The following CLIC4 variants were observed in gnomAD, a reference collection of about 807,000 sequenced individuals.
CLIC4 encodes the protein chloride intracellular channel protein 4.
A neutral mutation model predicts 24.6 loss-of-function variants in CLIC4; 13 were observed. That is an observed-to-expected ratio of 0.53 (90% confidence interval 0.34 to 0.84). CLIC4 has a LOEUF of 0.84. Ranked by LOEUF, CLIC4 falls within the 40% of genes least tolerant of loss-of-function variation. CLIC4 has a pLI of 0.01. For synonymous variants in CLIC4, 104 were observed against 111.3 expected, an observed-to-expected ratio of 0.93 and a Z score of 0.41; for missense variants, 227 against 301.7, an observed-to-expected ratio of 0.75 and a Z score of 1.83.
At chr1:24,807,707 C>A (rs1639567266) in intron 2 of CLIC4, among the ~76,000 whole-genome samples, 1 of 152,060 alleles carries the variant, frequency 6.6e-6, no homozygotes, top group Non-Finnish European at 1.5e-5. Context: ...AACATACTGA[C>A]ATATTGATTA....
chr1:24,818,215 GAAGCAAAGCTCAATA>G (rs1163163769), intron 3 of CLIC4, among the ~76,000 whole-genome samples: 7 of 152,102 alleles, frequency 4.6e-5, no homozygotes, highest in African/African-American at 1.4e-4. Flanking sequence ...AAAGCACAAT[GAAGCAAAGCTCAATA>G]AAGCAAAGCA....
chr1:24,771,007 A>G (rs1639064383), intron 1 of CLIC4, among the ~76,000 whole-genome samples: 1 of 152,184 alleles, frequency 6.6e-6, no homozygotes, highest in South Asian at 2.1e-4. Flanking sequence ...AAGGACTTTG[A>G]AAAGTCCCCC....
intron 1 of CLIC4, among the ~76,000 whole-genome samples, chr1:24,769,175 G>A (rs996589867): frequency 7.9e-5 from 12 of 152,058 alleles, no homozygotes; most frequent in African/African-American, 2.4e-4. Flanking sequence ...GAATCATGAA[G>A]TGACTTTAAA....
At chr1:24,812,543 C>T (rs1237429045) in intron 2 of CLIC4, among the ~76,000 whole-genome samples, 1 of 152,012 alleles carries the variant, frequency 6.6e-6, no homozygotes, top group African/African-American at 2.4e-5. Flanking sequence ...TTTTTTCCCT[C>T]CTCATTCTAT....
At chr1:24,836,002 A>G (rs1639882269) in intron 4 of CLIC4, among the ~76,000 whole-genome samples, 2 of 152,242 alleles carry the variant, frequency 1.3e-5, no homozygotes, top group Non-Finnish European at 2.9e-5. Context: ...ACACAAATAC[A>G]TACATGAAAT....
intron 2 of CLIC4, among the ~76,000 whole-genome samples, chr1:24,809,130 G>A (rs1053840487): frequency 1.3e-5 from 2 of 152,100 alleles, no homozygotes; most frequent in African/African-American, 2.4e-5. Flanking sequence ...ATCAAATCAG[G>A]TTTTGACTTT....
chr1:24,838,355 T>C (rs910642868), intron 4 of CLIC4, among the ~76,000 whole-genome samples: 2 of 152,200 alleles, frequency 1.3e-5, no homozygotes, highest in Admixed American at 6.5e-5. Context: ...CTGAACTCTG[T>C]TAGTTTTTAT....
chr1:24,786,640 C>T lies in CLIC4; in HGVS notation c.73-11102C>T, dbSNP rs9661620. 9.9e-4 allele frequency among the ~76,000 whole-genome samples: 150 copies of T among 152,006 alleles called. 1 individual carries two copies. The highest frequency in any genetic ancestry group is 1.8e-3 in the Non-Finnish European group (122 of 67,978). On this transcript the variant is annotated intron_variant, in intron 1 of 5. Transcript: ENST00000374379. The stretch of plus-strand genomic sequence containing the variant: ...TTTTTATTTTTTTTTATTTTTCAGA[C>T]GGAGTCTTGCTCTGTCGCCCAGGCT...
chr1:24,746,474 C>T lies in CLIC4; in HGVS notation c.72+849C>T, dbSNP rs143168479. On this transcript the variant is annotated intron_variant, in intron 1 of 5. Transcript: ENST00000374379. ...TACACATACTACCCCTCTTCCTTTG[C>T]TTTTCTCTTTAATACTTTTTATTTT... is the stretch of plus-strand genomic sequence containing the variant. Among the ~76,000 whole-genome samples the T allele has an allele frequency of 1.7e-3, 266 of 152,260 alleles. 1 individual carries two copies. The highest frequency in any genetic ancestry group is 6.0e-3 in the African/African-American group (250 of 41,542).
intron 1 of CLIC4, among the ~76,000 whole-genome samples, chr1:24,758,517 G>A (rs1325138788): frequency 6.6e-6 from 1 of 151,854 alleles, no homozygotes; most frequent in Non-Finnish European, 1.5e-5. Context: ...GGGTGCACTG[G>A]TGCGATCTCG....
intron 2 of CLIC4, among the ~76,000 whole-genome samples, chr1:24,806,645 TTTTG>T (rs1639553136): frequency 6.6e-6 from 1 of 152,206 alleles, no homozygotes; most frequent in Non-Finnish European, 1.5e-5. Context: ...ATTAATCAGA[TTTTG>T]TTTATTACCA....
chr1:24,806,663 A>G (rs1035767556), intron 2 of CLIC4, among the ~76,000 whole-genome samples: 2 of 152,208 alleles, frequency 1.3e-5, no homozygotes, highest in Non-Finnish European at 2.9e-5. Context: ...ATTACCAATC[A>G]GTTAATGCTA....
At position 24,765,262 on chromosome 1, in the gene CLIC4, T is replaced by G. The variant is rs560152761; in HGVS notation, c.72+19637T>G. ...AGTGCTTTCTATGTGCCAGGCACTG[T>G]GTTGACTACATCTATGAAATATTAA... On this transcript the variant is annotated intron_variant, in intron 1 of 5. Coordinates refer to ENST00000374379, the MANE Select transcript of CLIC4 (RefSeq NM_013943.3). Among the ~76,000 whole-genome samples, 3 of 152,368 alleles carry G rather than the reference T, an allele frequency of 2.0e-5. No homozygotes were observed. The South Asian group carries it at 6.2e-4, about 32-fold the overall frequency.
intron 1 of CLIC4, among the ~76,000 whole-genome samples, chr1:24,754,568 C>T (rs1276992534): frequency 3.3e-5 from 5 of 152,022 alleles, no homozygotes; most frequent in Admixed American, 6.6e-5. Flanking sequence ...CTGTTTTAGA[C>T]GCTTGCATAG....
chr1:24,778,510 G>A (rs1338402547), intron 1 of CLIC4, among the ~76,000 whole-genome samples: 2 of 152,088 alleles, frequency 1.3e-5, no homozygotes, highest in Non-Finnish European at 2.9e-5. Flanking sequence ...AGGAAAAAAG[G>A]ACTGTAGCTT....
At chr1:24,802,711 C>CTT (rs535381018) in intron 2 of CLIC4, among the ~76,000 whole-genome samples, 21 of 136,910 alleles carry the variant, frequency 1.5e-4, no homozygotes, top group East Asian at 6.3e-4. Flanking sequence ...TTTTCTTTTT[C>CTT]TTTTTTTTTT....
At chr1:24,817,586 A>C (rs1294250331) in intron 3 of CLIC4, among the ~76,000 whole-genome samples, 2 of 152,178 alleles carry the variant, frequency 1.3e-5, no homozygotes, top group Non-Finnish European at 1.5e-5. Flanking sequence ...TTGGCAATAA[A>C]GCTGTTTTTC....
At chr1:24,778,608 A>G (rs1003757610) in intron 1 of CLIC4, among the ~76,000 whole-genome samples, 18 of 152,204 alleles carry the variant, frequency 1.2e-4, no homozygotes, top group Non-Finnish European at 2.6e-4. Flanking sequence ...ATTTGTAAGA[A>G]AAAAGGATGG....
At chr1:24,777,638 C>T (rs1639157021) in intron 1 of CLIC4, among the ~76,000 whole-genome samples, 1 of 152,178 alleles carries the variant, frequency 6.6e-6, no homozygotes. Context: ...GAGGCCTTTT[C>T]TCTAGATGCC....
Sources: allele counts gnomAD v4.1 joint callset (sites outside exome capture counted in the v4.1 genomes callset), GRCh38; gene constraint gnomAD v4.1.1; transcripts MANE v1.5; gene names NCBI Gene and HGNC (gene_info 2026-07-23, HGNC 2026-07-21).